PEAK1: variants seen among roughly 807,000 people sequenced by gnomAD.
PEAK1 encodes the protein pseudopodium enriched atypical kinase 1, also known as inactive tyrosine-protein kinase PEAK1.
Under a neutral mutation model 124.7 loss-of-function variants are expected in PEAK1, and 54 were observed. The observed-to-expected ratio is 0.43, with a 90% CI of 0.35 to 0.54. PEAK1 has a LOEUF of 0.54. Ranked by LOEUF, PEAK1 falls within the 20% of genes least tolerant of loss-of-function variation. The pLI is 0.01. For synonymous variants in PEAK1, 719 were observed against 760.0 expected (o/e 0.95, Z 0.89); for missense variants, 2,046 against 2,134.5 (o/e 0.96, Z 0.82).
chr15:77,297,862 T>C (rs953390317), intron 2 of PEAK1, among the ~76,000 whole-genome samples: 2 of 146,806 alleles, frequency 1.4e-5, no homozygotes, highest in Non-Finnish European at 3.0e-5. Context: ...ATCGAGACCA[T>C]CCTGGCTAAC....
chr15:77,368,801 C>T (rs953099854), intron 1 of PEAK1, among the ~76,000 whole-genome samples: 4 of 152,120 alleles, frequency 2.6e-5, no homozygotes, highest in Admixed American at 6.5e-5. Context: ...CAAGGGATTA[C>T]GACTATATGC....
At chr15:77,277,657 T>A (rs1406053368) in intron 5 of PEAK1, among the ~76,000 whole-genome samples, 1 of 152,110 alleles carries the variant, frequency 6.6e-6, no homozygotes, top group East Asian at 1.9e-4. Flanking sequence ...ACTAATAGGA[T>A]CACCATACCT....
At chr15:77,234,666 A>AT (rs910363868) in intron 6 of PEAK1, among the ~76,000 whole-genome samples, 16 of 150,596 alleles carry the variant, frequency 1.1e-4, no homozygotes, top group African/African-American at 3.4e-4. Context: ...ATTACAGAAA[A>AT]TTTTTTTTTT....
intron 2 of PEAK1, among the ~76,000 whole-genome samples, chr15:77,342,537 T>G (rs1567283391): frequency 6.6e-6 from 1 of 151,786 alleles, no homozygotes; most frequent in Non-Finnish European, 1.5e-5. Flanking sequence ...TCCTGAGTAG[T>G]TGGGGCTACA....
intron 3 of PEAK1, among the ~76,000 whole-genome samples, chr15:77,285,473 T>C (rs978687716): frequency 3.9e-5 from 6 of 152,188 alleles, no homozygotes; most frequent in African/African-American, 1.2e-4. Flanking sequence ...TAATCAGCAG[T>C]TGCACAACAA....
chr15:77,278,023 T>A (rs1157998872), intron 5 of PEAK1, among the ~76,000 whole-genome samples: 1 of 152,120 alleles, frequency 6.6e-6, no homozygotes, highest in Admixed American at 6.5e-5. Context: ...GATTATGATG[T>A]CTCAATGAAG....
chr15:77,275,903 G>C (rs2062296997), intron 5 of PEAK1, among the ~76,000 whole-genome samples: 1 of 151,862 alleles, frequency 6.6e-6, no homozygotes, highest in African/African-American at 2.4e-5. Flanking sequence ...GAAAGTCTCA[G>C]CAAAGAAATA....
At chr15:77,348,725 T>A in intron 2 of PEAK1, 1 of 984,082 alleles carries the variant, frequency 1.0e-6, no homozygotes, top group South Asian at 4.7e-5. Context: ...GGCACCAAAG[T>A]CAGCCAGCTT....
intron 2 of PEAK1, chr15:77,335,376 G>A (rs1481579313): frequency 8.1e-6 from 8 of 985,146 alleles, no homozygotes; most frequent in South Asian, 9.4e-5. Context: ...GTATCTAGTG[G>A]TCTTTTTAAT....
At position 77,174,557 on chromosome 15, in the gene PEAK1, C is replaced by T. The variant is rs963482200; in HGVS notation, c.3137+4233G>A. Among the ~76,000 whole-genome samples the T allele has an allele frequency of 5.3e-5, 8 of 152,222 alleles. No homozygotes were observed. In the East Asian group the frequency reaches 7.7e-4, roughly 15 times the overall value. On this transcript the variant is annotated intron_variant, in intron 7 of 9. Transcript: ENST00000682557. ...GTATATATTTTTCAATGTGCATATTCATGCTTTAAACTTTTCAAAAAGTTA... is the reference window on the plus strand; with the variant it reads ...GTATATATTTTTCAATGTGCATATTTATGCTTTAAACTTTTCAAAAAGTTA...
intron 2 of PEAK1, among the ~76,000 whole-genome samples, chr15:77,344,569 T>C (rs547349952): frequency 2.6e-5 from 4 of 152,366 alleles, no homozygotes; most frequent in African/African-American, 7.2e-5. Context: ...TCTACACAAA[T>C]TTTAGGATAC....
intron 2 of PEAK1, chr15:77,346,145 T>C: frequency 1.0e-6 from 1 of 984,930 alleles, no homozygotes; most frequent in Non-Finnish European, 1.2e-6. Flanking sequence ...GAATTGCCAC[T>C]TTCCTCACCA....
intron 5 of PEAK1, among the ~76,000 whole-genome samples, chr15:77,274,668 T>C (rs2062216772): frequency 6.6e-6 from 1 of 151,864 alleles, no homozygotes; most frequent in Non-Finnish European, 1.5e-5. Context: ...AAAACATAGA[T>C]GTTGGTGTGG....
At chr15:77,206,244 C>G (rs71405300) in intron 6 of PEAK1, among the ~76,000 whole-genome samples, 136 of 138,318 alleles carry the variant, frequency 9.8e-4, no homozygotes, top group African/African-American at 3.5e-3. Flanking sequence ...CATTTGGGTT[C>G]GTTCCAAGTC....
intron 8 of PEAK1, among the ~76,000 whole-genome samples, chr15:77,139,231 C>T (rs951129596): frequency 1.3e-5 from 2 of 152,176 alleles, no homozygotes; most frequent in African/African-American, 4.8e-5. Flanking sequence ...GGGGCAGTAA[C>T]ACACATGGAG....
intron 5 of PEAK1, chr15:77,255,606 C>T (rs2061088776): frequency 6.5e-6 from 1 of 153,180 alleles, no homozygotes; most frequent in African/African-American, 2.4e-5. Flanking sequence ...AAACCTAAGC[C>T]CTTTCTTCCA....
In PEAK1 at chr15:77,225,629, ATGTGTGTGTGTGTG is replaced by A. The variant is rs146458404; in HGVS notation, c.-115+26724_-115+26737del. Among the ~76,000 whole-genome samples, 5 of 115,782 alleles carry A rather than the reference ATGTGTGTGTGTGTG, an allele frequency of 4.3e-5. No homozygotes were observed. In the East Asian group the frequency reaches 1.2e-3, roughly 28 times the overall value. 76.0% of individuals were successfully genotyped at this position (115,782 alleles called of 152,430 possible). A position where few individuals can be genotyped will look rare whatever the true frequency, so the allele number is the denominator to read the frequency against. Reference sequence around the variant, plus strand: ...GAAATCTGAGCAAGACTTTCTACAGATGTGTGTGTGTGTGTGTGTGTGTGTGTGTGTATAATTTA... The same window carrying A: ...GAAATCTGAGCAAGACTTTCTACAGATGTGTGTGTGTGTGTGTATAATTTA... On this transcript the variant is annotated intron_variant, in intron 6 of 9. Transcript: ENST00000682557.
intron 5 of PEAK1, among the ~76,000 whole-genome samples, chr15:77,265,409 G>GA (rs1397445584): frequency 2.6e-5 from 4 of 151,928 alleles, no homozygotes; most frequent in Non-Finnish European, 5.9e-5. Flanking sequence ...AAATTTACAA[G>GA]AAAAAAACAA....
intron 5 of PEAK1, among the ~76,000 whole-genome samples, chr15:77,270,840 T>C (rs545893828): frequency 2.6e-5 from 4 of 152,300 alleles, no homozygotes; most frequent in African/African-American, 9.6e-5. Context: ...TGTGTCCTCT[T>C]TTATTTCGTT....
Sources: gnomAD v4.1 joint callset for allele counts (sites outside exome capture counted in the v4.1 genomes callset) on GRCh38, gnomAD v4.1.1 for gene constraint, MANE v1.5 for transcripts, NCBI Gene and HGNC (gene_info 2026-07-23, HGNC 2026-07-21) for gene names.